The following NEK10 variants were observed in gnomAD, a reference collection of about 807,000 sequenced individuals.
NEK10 encodes serine/threonine-protein kinase Nek10.
A neutral mutation model predicts 159.8 loss-of-function variants in NEK10; 122 were observed. That is an observed-to-expected ratio of 0.76 (90% CI 0.66 to 0.89). NEK10 has a LOEUF of 0.89. NEK10 is among the 40% of genes least tolerant of loss of function. The probability of loss-of-function intolerance (pLI) is 0.00; values close to 1 mark genes in which losing one functional copy is unlikely to be tolerated. For synonymous variants in NEK10, 466 were observed against 457.1 expected (o/e 1.02, Z -0.25); for missense variants, 1,342 against 1,323.1 (o/e 1.01, Z -0.22).
chr3:27,188,771 T>C (rs1381531177), intron 26 of NEK10, among the ~76,000 whole-genome samples: 1 of 152,202 alleles, frequency 6.6e-6, no homozygotes, highest in Non-Finnish European at 1.5e-5. Flanking sequence ...CCAATAATTC[T>C]AATGGAATTG....
In NEK10 at chr3:27,288,095, A is replaced by G. The variant is rs1445113; in HGVS notation, c.1744-352T>C. Among the ~76,000 whole-genome samples, 702 of 152,314 alleles carry G rather than the reference A, an allele frequency of 4.6e-3. 4 individuals are homozygous for G. Among genetic ancestry groups the G allele is most frequent in the Middle Eastern group, 0.02 (6 of 294 alleles). On this transcript the variant is annotated intron_variant, in intron 19 of 35. Transcript: ENST00000691995. ...ACCCGACACACAGACTGTATAAAGG[A>G]GAAAAGTGAAATGCGGTAACTTCTG...
At chr3:27,126,393 C>G (rs997547248) in intron 32 of NEK10, among the ~76,000 whole-genome samples, 2 of 152,104 alleles carry the variant, frequency 1.3e-5, no homozygotes, top group African/African-American at 4.8e-5. Flanking sequence ...GGGAACTAGA[C>G]AGAAATGCAG....
At chr3:27,331,246 A>AT (rs2046378950) in intron 5 of NEK10, among the ~76,000 whole-genome samples, 1 of 127,994 alleles carries the variant, frequency 7.8e-6, no homozygotes, top group Non-Finnish European at 1.7e-5. Context: ...TCAAAAAAAA[A>AT]AAAACAAAAA....
At position 27,213,792 on chromosome 3, in the gene NEK10, A is replaced by C. The variant is rs1251109584; in HGVS notation, c.2091-11235T>G. Among the ~76,000 whole-genome samples, 26 of 152,140 alleles carry C rather than the reference A, an allele frequency of 1.7e-4. 1 individual carries two copies. The highest frequency in any genetic ancestry group is 3.8e-4 in the Non-Finnish European group (26 of 68,026). ...CACACGACAGATAGCAGGCCCTGAA[A>C]AAAATCAAAGTATTTTACCCCAAAA... On this transcript the variant is annotated intron_variant, in intron 23 of 35. Transcript: ENST00000691995.
chr3:27,232,036 A>T (rs1005993888), intron 23 of NEK10, among the ~76,000 whole-genome samples: 7 of 151,988 alleles, frequency 4.6e-5, no homozygotes, highest in African/African-American at 1.7e-4. Flanking sequence ...ATAACAAAAA[A>T]AGAAAACTAC....
At chr3:27,201,408 A>T in intron 25 of NEK10, 102 bp downstream of exon 25, 1 of 957,630 alleles carries the variant, frequency 1.0e-6, no homozygotes, top group Non-Finnish European at 1.6e-6. Context: ...TTATGTAGGG[A>T]CTCTTTCTCT....
chr3:27,157,227 A>G (rs1017269645), intron 30 of NEK10, among the ~76,000 whole-genome samples: 3 of 151,808 alleles, frequency 2.0e-5, no homozygotes, highest in Non-Finnish European at 4.4e-5. Flanking sequence ...AATATGGTGC[A>G]GTGTATACTG....
At chr3:27,222,135 G>A (rs1413502363) in intron 23 of NEK10, among the ~76,000 whole-genome samples, 1 of 152,132 alleles carries the variant, frequency 6.6e-6, no homozygotes, top group East Asian at 1.9e-4. Context: ...CAATTTGGGA[G>A]GCTGGGGCAG....
At chr3:27,151,298 T>A (rs898660454) in intron 30 of NEK10, among the ~76,000 whole-genome samples, 4 of 152,044 alleles carry the variant, frequency 2.6e-5, no homozygotes, top group African/African-American at 9.7e-5. Flanking sequence ...GCACCCACGG[T>A]TGAGAGACCC....
chr3:27,361,494 G>T (rs1211721919), intron 1 of NEK10, among the ~76,000 whole-genome samples: 2 of 152,124 alleles, frequency 1.3e-5, no homozygotes, highest in Non-Finnish European at 2.9e-5. Context: ...ACCCCAAATA[G>T]AATATGAGTA....
intron 30 of NEK10, chr3:27,162,466 T>C: frequency 1.2e-6 from 2 of 1,614,098 alleles, no homozygotes; most frequent in Non-Finnish European, 1.7e-6. Context: ...ACTACCATGA[T>C]CTTTGAGATT....
At chr3:27,334,201 G>A (rs1402971261) in intron 5 of NEK10, among the ~76,000 whole-genome samples, 1 of 152,198 alleles carries the variant, frequency 6.6e-6, no homozygotes, top group East Asian at 1.9e-4. Flanking sequence ...TACAACCACA[G>A]CTGGCACCTA....
chr3:27,242,935 T>C (rs1227051630), intron 23 of NEK10, among the ~76,000 whole-genome samples: 1 of 152,240 alleles, frequency 6.6e-6, no homozygotes, highest in Non-Finnish European at 1.5e-5. Flanking sequence ...ATTGCCAATG[T>C]ATCAAGGTTA....
At chr3:27,300,937 G>T (rs768607068) in intron 13 of NEK10, among the ~76,000 whole-genome samples, 2 of 152,198 alleles carry the variant, frequency 1.3e-5, no homozygotes, top group African/African-American at 4.8e-5. Flanking sequence ...ATAGTAGACA[G>T]CAAGGAAAGC....
chr3:27,189,158 GT>G (rs1241589537), intron 26 of NEK10, among the ~76,000 whole-genome samples: 4 of 152,044 alleles, frequency 2.6e-5, no homozygotes, highest in Non-Finnish European at 4.4e-5. Flanking sequence ...AAAAGGAAAG[GT>G]TTGGTTCACT....
At chr3:27,354,680 A>G (rs2048206802) in intron 1 of NEK10, among the ~76,000 whole-genome samples, 1 of 152,236 alleles carries the variant, frequency 6.6e-6, no homozygotes, top group Non-Finnish European at 1.5e-5. Context: ...AGGGCAGTTC[A>G]TATGTTAAGT....
rs551335019 is a variant in NEK10, at chr3:27,301,821, A to C, written c.1043T>G (p.Val348Gly). 1 of 1,552,164 alleles carries C rather than the reference A, an allele frequency of 6.4e-7. No homozygotes were observed. Among genetic ancestry groups the C allele is most frequent in the South Asian group, 1.2e-5 (1 of 84,106 alleles). ...GCTTCCAATGGAGGAGTGATCAGAAACAAAATTTCTGTCTCTGAAAAAGAA... is the reference window on the plus strand; with the variant it reads ...GCTTCCAATGGAGGAGTGATCAGAACCAAAATTTCTGTCTCTGAAAAAGAA... ...LHILQGDRNF[V>G]SDHSSIGSLS... The change falls in exon 13 of 36, where the codon GTT becomes GGT. Residue 348 changes from valine (V) to glycine (G), a missense_variant. Physicochemically the swap from Val to Gly is moderately radical, Grantham distance 109 (BLOSUM62 -3). Transcript: ENST00000691995.
At chr3:27,142,321 G>T (rs764344773) in intron 30 of NEK10, among the ~76,000 whole-genome samples, 1 of 152,062 alleles carries the variant, frequency 6.6e-6, no homozygotes, top group Admixed American at 6.6e-5. Flanking sequence ...CTTTTCTCTA[G>T]ATTACCTACA....
chr3:27,341,737 G>A (rs2047215701), intron 5 of NEK10, among the ~76,000 whole-genome samples: 1 of 152,114 alleles, frequency 6.6e-6, no homozygotes, highest in Non-Finnish European at 1.5e-5. Flanking sequence ...CAGAAAGGAG[G>A]TGTCCACAAA....
Sources: gnomAD v4.1 joint callset for allele counts (sites outside exome capture counted in the v4.1 genomes callset) on GRCh38, gnomAD v4.1.1 for gene constraint, MANE v1.5 for transcripts, NCBI Gene and HGNC (gene_info 2026-07-23, HGNC 2026-07-21) for gene names.